The following LGR4 variants were observed in gnomAD, a reference collection of about 807,000 sequenced individuals.
The protein encoded by LGR4 is leucine rich repeat containing G protein-coupled receptor 4.
Under a neutral mutation model 84.8 loss-of-function variants are expected in LGR4, and 44 were observed. The ratio of observed to expected loss-of-function variants is 0.52; its 90% CI spans 0.41 to 0.67. LGR4 has a LOEUF of 0.67. Among genes scored for constraint, LGR4 ranks in the 30% least tolerant of loss-of-function variants. LGR4 has a pLI of 0.00. For synonymous variants in LGR4, 429 were observed against 434.3 expected, an observed-to-expected ratio of 0.99 and a Z score of 0.15; for missense variants, 1,032 against 1,131.4, an observed-to-expected ratio of 0.91 and a Z score of 1.26.
chr11:27,377,108 C>T (rs2133365907), intron 12 of LGR4, 50 bp downstream of exon 12: 1 of 1,097,948 alleles, frequency 9.1e-7, no homozygotes, highest in Non-Finnish European at 1.3e-6. Flanking sequence ...AAATGCTCAA[C>T]AAACTAACAA....
chr11:27,434,763 G>A (rs1447471723), intron 1 of LGR4, among the ~76,000 whole-genome samples: 1 of 151,918 alleles, frequency 6.6e-6, no homozygotes, highest in Non-Finnish European at 1.5e-5. Context: ...ACCAATTCAA[G>A]GTTGTCAACT....
intron 1 of LGR4, among the ~76,000 whole-genome samples, chr11:27,424,947 C>CA (rs1249550170): frequency 1.3e-5 from 2 of 152,074 alleles, no homozygotes; most frequent in African/African-American, 2.4e-5. Flanking sequence ...GGGGTTTCAC[C>CA]ATGTTGGCCA....
intron 2 of LGR4, among the ~76,000 whole-genome samples, chr11:27,400,153 T>C (rs1214401130): frequency 1.3e-5 from 2 of 152,186 alleles, no homozygotes; most frequent in Non-Finnish European, 1.5e-5. Flanking sequence ...ATTGGGTATT[T>C]TGAATTTCAG....
Position 27,412,837 on chromosome 11 carries a change from G to A in LGR4, c.209C>T (p.Thr70Ile). ...CTTAAATGCATCTTCTGGCAACTGA[G>A]TAATGTTGTTCATACTGATATCCCT... ...QALDISMNNITQLPEDAFKNF... is the reference protein window; with the variant it reads ...QALDISMNNIIQLPEDAFKNF... Residue 70 changes from threonine (T) to isoleucine (I), a missense_variant, in exon 2 of 18, where the codon ACT becomes ATT. Coordinates refer to ENST00000379214, the MANE Select transcript of LGR4 (RefSeq NM_018490.5). The A allele has an allele frequency of 6.2e-7, 1 of 1,602,394 alleles. No individual in the cohort carries two copies. Among genetic ancestry groups the A allele is most frequent in the Non-Finnish European group, 8.5e-7 (1 of 1,169,944 alleles).
Position 27,374,000 on chromosome 11 carries a change from CA to C in LGR4, c.1227del (p.Phe409LeufsTer7). ...AGGTTAGTTATTGGCCCAAGTGTGGCAAAAGCTCTACTGTGAATTTCATGTA... is the reference window on the plus strand; with the variant it reads ...AGGTTAGTTATTGGCCCAAGTGTGGCAAAGCTCTACTGTGAATTTCATGTA... ...NLIHEIHSRAFATLGPITNLD... is the reference protein window; with the variant it reads ...NLIHEIHSRAXATLGPITNLD... On this transcript the variant is annotated frameshift_variant, in exon 14 of 18. Coordinates refer to ENST00000379214, the MANE Select transcript of LGR4 (RefSeq NM_018490.5). LOFTEE classifies it high-confidence loss of function. 6.2e-7 allele frequency: 1 copy of C among 1,612,056 alleles called. No homozygotes were observed. The highest frequency in any genetic ancestry group is 8.5e-7 in the Non-Finnish European group (1 of 1,178,254).
At chr11:27,422,885 C>T (rs1270765664) in intron 1 of LGR4, among the ~76,000 whole-genome samples, 1 of 152,108 alleles carries the variant, frequency 6.6e-6, no homozygotes, top group Non-Finnish European at 1.5e-5. Context: ...ACAAGAATTT[C>T]TTACACTTCT....
At chr11:27,412,619 G>C (rs1454100236) in intron 2 of LGR4, among the ~76,000 whole-genome samples, 170 bp downstream of exon 2, 1 of 152,044 alleles carries the variant, frequency 6.6e-6, no homozygotes. Context: ...ATGCTGCTTA[G>C]AAAACCAAGT....
At chr11:27,399,329 G>A (rs1256904958) in intron 2 of LGR4, among the ~76,000 whole-genome samples, 1 of 152,036 alleles carries the variant, frequency 6.6e-6, no homozygotes, top group African/African-American at 2.4e-5. Flanking sequence ...TCCCTCAAAT[G>A]GATGGATCAC....
chr11:27,370,418 T>G (rs1465868051), intron 17 of LGR4, among the ~76,000 whole-genome samples: 7 of 152,314 alleles, frequency 4.6e-5, no homozygotes, highest in South Asian at 4.1e-4. Context: ...GAGAACCCTT[T>G]TATGGGTGAG....
At chr11:27,466,907 C>T (rs1864786600) in intron 1 of LGR4, among the ~76,000 whole-genome samples, 1 of 152,044 alleles carries the variant, frequency 6.6e-6, no homozygotes, top group African/African-American at 2.4e-5. Flanking sequence ...CCTCAGCCTC[C>T]CAAGTAGCTG....
chr11:27,389,783 G>A lies in LGR4; in HGVS notation c.401+1311C>T, dbSNP rs770716782. ...TGACTTGTCCTGTGTATATCCACCC[G>A]AGGTGAGAGAGTGTGTGAAGTCAGC... On this transcript the variant is annotated intron_variant, in intron 4 of 17. Coordinates refer to ENST00000379214, the MANE Select transcript of LGR4 (RefSeq NM_018490.5). 2.0e-5 allele frequency among the ~76,000 whole-genome samples: 3 copies of A among 152,138 alleles called. No homozygotes were observed. The East Asian group carries it at 5.8e-4, about 29-fold the overall frequency.
chr11:27,443,386 G>T (rs1355633553), intron 1 of LGR4, among the ~76,000 whole-genome samples: 5 of 152,120 alleles, frequency 3.3e-5, no homozygotes, highest in Non-Finnish European at 7.3e-5. Flanking sequence ...TGGGTAGGTG[G>T]TCTCTGAGAC....
chr11:27,407,379 T>C (rs1335343884), intron 2 of LGR4, among the ~76,000 whole-genome samples: 1 of 152,082 alleles, frequency 6.6e-6, no homozygotes, highest in East Asian at 1.9e-4. Flanking sequence ...ATGACTTGAA[T>C]CAGATGAACA....
chr11:27,464,758 T>C (rs1864746776), intron 1 of LGR4, among the ~76,000 whole-genome samples: 1 of 152,180 alleles, frequency 6.6e-6, no homozygotes, highest in Admixed American at 6.5e-5. Context: ...TATAAGGGGA[T>C]AGAGAGAATG....
intron 2 of LGR4, among the ~76,000 whole-genome samples, chr11:27,402,643 C>T (rs1247055855): frequency 6.6e-6 from 1 of 152,178 alleles, no homozygotes; most frequent in Non-Finnish European, 1.5e-5. Context: ...GTCCAGGCAA[C>T]AATATACCCA....
At chr11:27,421,351 T>A (rs1195946400) in intron 1 of LGR4, among the ~76,000 whole-genome samples, 2 of 152,222 alleles carry the variant, frequency 1.3e-5, no homozygotes, top group Non-Finnish European at 2.9e-5. Flanking sequence ...TTTGCTTGTG[T>A]TAGCAAGTAT....
chr11:27,410,268 T>C (rs1435061424), intron 2 of LGR4, among the ~76,000 whole-genome samples: 1 of 152,140 alleles, frequency 6.6e-6, no homozygotes, highest in East Asian at 1.9e-4. Context: ...TCAGAGTTTA[T>C]TGAAAGAATA....
At chr11:27,444,776 C>T (rs1024451347) in intron 1 of LGR4, among the ~76,000 whole-genome samples, 3 of 152,154 alleles carry the variant, frequency 2.0e-5, no homozygotes, top group African/African-American at 7.2e-5. Context: ...GAAATATAAT[C>T]TTTCCGGGTT....
intron 2 of LGR4, among the ~76,000 whole-genome samples, chr11:27,404,032 G>T (rs1206171634): frequency 6.6e-6 from 1 of 152,062 alleles, no homozygotes; most frequent in Admixed American, 6.6e-5. Context: ...GACTAAGAGT[G>T]GTCAATGTAT....
Sources: gnomAD v4.1 joint callset for allele counts (sites outside exome capture counted in the v4.1 genomes callset) on GRCh38, gnomAD v4.1.1 for gene constraint, MANE v1.5 for transcripts, NCBI Gene and HGNC (gene_info 2026-07-23, HGNC 2026-07-21) for gene names.